The following XYLT2 variants were observed in gnomAD, a reference collection of about 807,000 sequenced individuals.
The protein encoded by XYLT2 is xylosyltransferase 2.
A neutral mutation model predicts 82.6 loss-of-function variants in XYLT2; 37 were observed. The ratio of observed to expected loss-of-function variants is 0.45; its 90% CI spans 0.34 to 0.59. The LOEUF (loss-of-function observed/expected upper bound fraction) is 0.59. Ranked by LOEUF, XYLT2 falls within the 20% of genes least tolerant of loss-of-function variation. The pLI, the probability that XYLT2 is intolerant of heterozygous loss-of-function variation, is 0.01. For synonymous variants in XYLT2, 474 were observed against 499.0 expected, an observed-to-expected ratio of 0.95 and a Z score of 0.67; for missense variants, 934 against 1,181.3, an observed-to-expected ratio of 0.79 and a Z score of 3.07.
chr17:50,357,906 C>G (rs1313242022), intron 9 of XYLT2: 1 of 374,292 alleles, frequency 2.7e-6, no homozygotes, highest in Non-Finnish European at 4.8e-6. Flanking sequence ...TTCTCAGAGG[C>G]TTTGGCTTCA....
rs1327162868 is a variant in XYLT2, at chr17:50,346,531, G to A, written c.135+256G>A. On this transcript the variant is annotated intron_variant, in intron 1 of 10. Coordinates refer to ENST00000017003, the MANE Select transcript of XYLT2 (RefSeq NM_022167.4). The surrounding 1 kb of genome is among the most constrained non-coding windows in gnomAD (Gnocchi z 5.1). Reference sequence around the variant, plus strand: ...ATTGGGAGTCGGGCGGGGGGAGCAGGTCATGCTAGGGTGGTCTCCGGCCAA... The same window carrying A: ...ATTGGGAGTCGGGCGGGGGGAGCAGATCATGCTAGGGTGGTCTCCGGCCAA... The A allele has an allele frequency of 9.9e-6, 9 of 913,282 alleles. No individual in the cohort carries two copies. The highest frequency in any genetic ancestry group is 8.9e-5 in the African/African-American group (5 of 55,948). The allele number at this position is 913,282 out of a possible 1,614,324, so 56.6% of individuals were successfully genotyped here.
In XYLT2 at chr17:50,358,269, G is replaced by A. The variant is rs144391872; in HGVS notation, c.2004G>A (p.Pro668=). The A allele has an allele frequency of 6.4e-5, 103 of 1,612,726 alleles. No homozygotes were observed. In the African/African-American group the frequency reaches 8.7e-4, roughly 14 times the overall value. ...LFRNFGGLLG[P]LDEPVAVQRW... is the part of the protein sequence containing the mutation. ...GGAACTTTGGGGGGTTACTGGGGCC[G>A]CTGGACGAGCCTGTGGCCGTGCAGC... The change falls in exon 10 of 11, where the codon CCG becomes CCA. Residue 668 remains proline, a synonymous_variant. Coordinates refer to ENST00000017003, the MANE Select transcript of XYLT2 (RefSeq NM_022167.4).
chr17:50,346,155 G>A lies in XYLT2; in HGVS notation c.15G>A (p.Ala5=), dbSNP rs376440990. 841 of 1,267,174 alleles carry A rather than the reference G, an allele frequency of 6.6e-4. 1 individual carries two copies. Among genetic ancestry groups the A allele is most frequent in the Non-Finnish European group, 7.9e-4 (775 of 981,118 alleles). 78.5% of individuals were successfully genotyped at this position (1,267,174 alleles called of 1,614,324 possible). A position where few individuals can be genotyped will look rare whatever the true frequency, so the allele number is the denominator to read the frequency against. Reference sequence around the variant, plus strand: ...CGGGCAGGAAGATGGTGGCGAGCGCGCGAGTGCAGAAGCTGGTGCGGCGCT... The same window carrying A: ...CGGGCAGGAAGATGGTGGCGAGCGCACGAGTGCAGAAGCTGGTGCGGCGCT... MVAS[A]RVQKLVRRYK... is the part of the protein sequence containing the mutation. The change falls in exon 1 of 11, where the codon GCG becomes GCA. Residue 5 remains alanine, a synonymous_variant. Coordinates refer to ENST00000017003, the MANE Select transcript of XYLT2 (RefSeq NM_022167.4). This position sits in a 1 kb window ranked among gnomAD's most constrained non-coding sequence, Gnocchi z 5.1.
Position 50,357,203 on chromosome 17 carries a change from T to C in XYLT2, c.1892T>C (p.Leu631Pro), listed in dbSNP as rs1241671702. Residue 631 changes from leucine to proline, a missense_variant, in exon 9 of 11, where the codon CTG becomes CCG. Leu to Pro is a moderately conservative substitution (Grantham distance 98). Coordinates refer to ENST00000017003, the MANE Select transcript of XYLT2 (RefSeq NM_022167.4). The part of the protein sequence containing the change: ...LEMWLMPQGS[L>P]KLLGRSDQAS... ...ATGTGGCTGATGCCCCAAGGGTCGC[T>C]GAAGCTGTTGGGGCGCAGTGACCAG... 9 of 1,610,182 alleles carry C rather than the reference T, an allele frequency of 5.6e-6. No individual in the cohort carries two copies. In the Admixed American group the frequency reaches 6.7e-5, roughly 12 times the overall value.
intron 10 of XYLT2, 71 bp from the exon 11 acceptor site, chr17:50,359,898 C>G: frequency 2.1e-6 from 3 of 1,399,508 alleles, no homozygotes; most frequent in Non-Finnish European, 2.9e-6. Context: ...GTACCCAGAC[C>G]CAACTCCTGG....
chr17:50,346,860 G>T lies in XYLT2; in HGVS notation c.135+585G>T. The T allele has an allele frequency of 1.0e-6, 1 of 985,400 alleles. No individual in the cohort carries two copies. The highest frequency in any genetic ancestry group is 1.7e-5 in the African/African-American group (1 of 57,344). The allele number at this position is 985,400 out of a possible 1,614,324, so 61.0% of individuals were successfully genotyped here. On this transcript the variant is annotated intron_variant, in intron 1 of 10. Transcript: ENST00000017003. This position sits in a 1 kb window ranked among gnomAD's most constrained non-coding sequence, Gnocchi z 5.1. ...AGGAGAGAACTGGAGTATTCCCGAG[G>T]TGTGGCTTCCTCAGCCGGGGGTTTG...
At chr17:50,355,156 T>TA in intron 4 of XYLT2, 100 bp downstream of exon 4, 6 of 1,305,852 alleles carry the variant, frequency 4.6e-6, no homozygotes, top group Middle Eastern at 2.4e-4. Context: ...CCCATAAGCG[T>TA]AACTCTGGGA....
intron 1 of XYLT2, among the ~76,000 whole-genome samples, chr17:50,353,173 T>C (rs17776549): frequency 0.021 from 3,140 of 152,226 alleles, 53 homozygotes; most frequent in Middle Eastern, 0.054. Flanking sequence ...GGAAATGCTT[T>C]GGATTCATCT....
rs760369801 is a variant in XYLT2, at chr17:50,356,598, G to A, written c.1570G>A (p.Gly524Ser). ...GGAAATCCTGGACTTCCACCTGTAT[G>A]GCAGCTACCCCCCCGGCACGCCAGC... ...VLEILDFHLY[G>S]SYPPGTPALK... The change falls in exon 8 of 11, where the codon GGC (glycine) becomes AGC (serine). Residue 524 changes from glycine (G) to serine (S), a missense_variant. This residue lies in a region of XYLT2 where 374 missense variants were observed against 465.6 expected (regional missense o/e 0.80). Coordinates refer to ENST00000017003, the MANE Select transcript of XYLT2 (RefSeq NM_022167.4). 4.1e-5 allele frequency: 66 copies of A among 1,613,930 alleles called. No homozygotes were observed. In the South Asian group the frequency reaches 4.7e-4, roughly 12 times the overall value.
At chr17:50,353,342 T>C (rs1208371587) in intron 1 of XYLT2, among the ~76,000 whole-genome samples, 1 of 152,128 alleles carries the variant, frequency 6.6e-6, no homozygotes, top group Non-Finnish European at 1.5e-5. Flanking sequence ...GGAAGTGGTA[T>C]CTGAGTCCAG....
Position 50,353,757 on chromosome 17 carries a change from C to T in XYLT2, c.263C>T (p.Pro88Leu). 1 of 1,558,412 alleles carries T rather than the reference C, an allele frequency of 6.4e-7. No individual in the cohort carries two copies. Among genetic ancestry groups the T allele is most frequent in the Non-Finnish European group, 8.7e-7 (1 of 1,151,320 alleles). ...CGCTGGCGGGGCCGTGCTGAGAGCC[C>T]AGGAGTGCCCGTGGCCAAGGTGGTA... is the stretch of plus-strand genomic sequence containing the variant. ...HGRWRGRAES[P>L]GVPVAKVVRA... The change falls in exon 2 of 11, where the codon CCA (proline) becomes CTA (leucine). Residue 88 changes from proline (P) to leucine (L), a missense_variant. Physicochemically the swap from Pro to Leu is moderately conservative, Grantham distance 98. Coordinates refer to ENST00000017003, the MANE Select transcript of XYLT2 (RefSeq NM_022167.4).
Position 50,356,741 on chromosome 17 carries a change from T to C in XYLT2, c.1713T>C (p.Thr571=). The C allele has an allele frequency of 6.2e-7, 1 of 1,606,482 alleles. No homozygotes were observed. Among genetic ancestry groups the C allele is most frequent in the South Asian group, 1.1e-5 (1 of 91,072 alleles). The part of the protein sequence containing the change: ...FARLSLHHAA[T]AAPPMGTPLC... ...GCCTCAGCCTGCACCATGCCGCCAC[T>C]GCTGCACCCCCAATGGGCACCCCAC... is the stretch of plus-strand genomic sequence containing the variant. The change falls in exon 8 of 11, where the codon ACT becomes ACC. Residue 571 remains threonine, a synonymous_variant. Coordinates refer to ENST00000017003, the MANE Select transcript of XYLT2 (RefSeq NM_022167.4).
In XYLT2 at chr17:50,358,485, G is replaced by C; in HGVS notation, c.2220G>C (p.Glu740Asp). 6.2e-7 allele frequency: 1 copy of C among 1,614,158 alleles called. No individual in the cohort carries two copies. The highest frequency in any genetic ancestry group is 8.5e-7 in the Non-Finnish European group (1 of 1,180,010). Residue 740 changes from glutamate (E) to aspartate (D), a missense_variant, in exon 10 of 11, where the codon GAG (glutamate) becomes GAC (aspartate). By Grantham distance (45) the Glu-to-Asp change is conservative. Around this residue, in one of 3 missense-constraint regions of XYLT2, gnomAD observed 374 missense variants for 465.6 expected, o/e 0.80. Transcript: ENST00000017003. ...TTCAGTTCTGGGAACCGCTGGGTGAGACCCGCTTCCTTGTGCTGCCCTTGA... is the reference window on the plus strand; with the variant it reads ...TTCAGTTCTGGGAACCGCTGGGTGACACCCGCTTCCTTGTGCTGCCCTTGA... ...RLLQFWEPLG[E>D]TRFLVLPLTF... is the part of the protein sequence containing the mutation.
chr17:50,358,573 G>A (rs1238130050), intron 10 of XYLT2, 33 bp downstream of exon 10: 3 of 1,579,238 alleles, frequency 1.9e-6, no homozygotes, highest in Non-Finnish European at 1.7e-6. Flanking sequence ...AGGCCCAGAA[G>A]CCAGACAGAA....
In XYLT2 at chr17:50,346,874, G is replaced by A. The variant is rs1912064836; in HGVS notation, c.135+599G>A. On this transcript the variant is annotated intron_variant, in intron 1 of 10. Transcript: ENST00000017003. This position sits in a 1 kb window ranked among gnomAD's most constrained non-coding sequence, Gnocchi z 5.1. ...GTATTCCCGAGGTGTGGCTTCCTCAGCCGGGGGTTTGAAGAACCTGGATGG... is the reference window on the plus strand; with the variant it reads ...GTATTCCCGAGGTGTGGCTTCCTCAACCGGGGGTTTGAAGAACCTGGATGG... 1 of 985,256 alleles carries A rather than the reference G, an allele frequency of 1.0e-6. No homozygotes were observed. The highest frequency in any genetic ancestry group is 1.7e-5 in the African/African-American group (1 of 57,218). The allele number at this position is 985,256 out of a possible 1,614,324, so 61.0% of individuals were successfully genotyped here.
Position 50,346,164 on chromosome 17 carries a change from G to A in XYLT2, c.24G>A (p.Gln8=). The change falls in exon 1 of 11, where the codon CAG becomes CAA. Residue 8 remains glutamine, a synonymous_variant. Transcript: ENST00000017003. The surrounding 1 kb of genome is among the most constrained non-coding windows in gnomAD (Gnocchi z 5.1). ...AGATGGTGGCGAGCGCGCGAGTGCA[G>A]AAGCTGGTGCGGCGCTACAAGCTGG... MVASARV[Q]KLVRRYKLAI... is the part of the protein sequence containing the mutation. 7.8e-7 allele frequency: 1 copy of A among 1,282,128 alleles called. No homozygotes were observed. Among genetic ancestry groups the A allele is most frequent in the South Asian group, 1.5e-5 (1 of 67,296 alleles). The allele number at this position is 1,282,128 out of a possible 1,614,324, so 79.4% of individuals were successfully genotyped here. A position where few individuals can be genotyped will look rare whatever the true frequency, so the allele number is the denominator to read the frequency against.
Position 50,346,159 on chromosome 17 carries a change from G to T in XYLT2, c.19G>T (p.Val7Leu). 7.8e-7 allele frequency: 1 copy of T among 1,276,554 alleles called. No homozygotes were observed. The allele number at this position is 1,276,554 out of a possible 1,614,324, so 79.1% of individuals were successfully genotyped here. A position where few individuals can be genotyped will look rare whatever the true frequency, so the allele number is the denominator to read the frequency against. Residue 7 changes from valine (V) to leucine (L), a missense_variant, in exon 1 of 11, where the codon GTG (valine) becomes TTG (leucine). Val to Leu is a conservative substitution (Grantham distance 32, BLOSUM62 1). Around this residue, in one of 3 missense-constraint regions of XYLT2, gnomAD observed 371 missense variants for 394.9 expected, o/e 0.94. Coordinates refer to ENST00000017003, the MANE Select transcript of XYLT2 (RefSeq NM_022167.4). This position sits in a 1 kb window ranked among gnomAD's most constrained non-coding sequence, Gnocchi z 5.1. ...CAGGAAGATGGTGGCGAGCGCGCGA[G>T]TGCAGAAGCTGGTGCGGCGCTACAA... is the stretch of plus-strand genomic sequence containing the variant. Reference protein sequence around the residue: MVASARVQKLVRRYKLA... With the variant: MVASARLQKLVRRYKLA...
chr17:50,357,740 TA>T, intron 9 of XYLT2: 1 of 164,036 alleles, frequency 6.1e-6, no homozygotes, highest in Non-Finnish European at 1.3e-5. Flanking sequence ...CACGCCCAGC[TA>T]ATTTTTTTTT....
intron 1 of XYLT2, among the ~76,000 whole-genome samples, chr17:50,349,199 A>G (rs2143189157): frequency 6.6e-6 from 1 of 152,294 alleles, no homozygotes; most frequent in Admixed American, 6.5e-5. Context: ...TTCCACTCGG[A>G]GAGCCTACAG....
Sources: allele counts gnomAD v4.1 joint callset (sites outside exome capture counted in the v4.1 genomes callset), GRCh38; gene constraint gnomAD v4.1.1; regional missense constraint gnomAD v4.1.1; non-coding constraint Gnocchi (gnomAD v3.1); transcripts MANE v1.5; gene names NCBI Gene and HGNC (gene_info 2026-07-23, HGNC 2026-07-21).